TUSC3: variants seen among roughly 807,000 people sequenced by gnomAD.
TUSC3 encodes the protein tumor suppressor candidate 3.
In TUSC3, 45 loss-of-function variants were observed where a neutral mutation model predicts 44.8. The observed-to-expected ratio is 1.00, with a 90% CI of 0.79 to 1.29. The LOEUF is 1.29. TUSC3 is among the 50% of genes most tolerant of loss of function. TUSC3 has a pLI of 0.00. For missense variants in TUSC3, 519 were observed against 437.9 expected, an observed-to-expected ratio of 1.19 and a Z score of -1.65; for synonymous variants, 212 against 152.9, an observed-to-expected ratio of 1.39 and a Z score of -2.85.
chr8:15,837,003 A>C, the TUSC3 span, among the ~76,000 whole-genome samples: 145,101 of 152,138 alleles, frequency 0.95, 69,247 homozygotes, highest in Non-Finnish European at 0.97. Flanking sequence ...TTTCTATGTT[A>C]AATAAGGTAG....
chr8:15,509,243 T>A (rs753889761), intron 2 of TUSC3, among the ~76,000 whole-genome samples: 1 of 152,222 alleles, frequency 6.6e-6, no homozygotes, highest in Non-Finnish European at 1.5e-5. Flanking sequence ...GATGCTCTTG[T>A]CAATAAATTA....
intron 1 of TUSC3, 93 bp downstream of exon 1, chr8:15,540,661 T>A (rs964676645): frequency 4.2e-5 from 60 of 1,417,750 alleles, no homozygotes; most frequent in Admixed American, 5.4e-5. Flanking sequence ...CTAGGCAGCC[T>A]GGTCGCCGGC....
the TUSC3 span, among the ~76,000 whole-genome samples, chr8:15,809,056 G>A: frequency 4.6e-5 from 7 of 152,136 alleles, no homozygotes; most frequent in East Asian, 1.9e-4. Context: ...GGAAAAGCAC[G>A]TTTATTCAGA....
At chr8:15,518,349 T>C (rs1016065053) in intron 2 of TUSC3, among the ~76,000 whole-genome samples, 2 of 152,102 alleles carry the variant, frequency 1.3e-5, no homozygotes, top group Non-Finnish European at 2.9e-5. Context: ...GTTTTATCCA[T>C]ATAGTGTGTG....
intron 1 of TUSC3, among the ~76,000 whole-genome samples, chr8:15,564,023 G>A (rs1802576157): frequency 6.6e-6 from 1 of 152,022 alleles, no homozygotes; most frequent in South Asian, 2.1e-4. Flanking sequence ...TATATTAAAT[G>A]CTTTAAAGAA....
At chr8:15,524,165 T>C (rs888221281) in intron 2 of TUSC3, among the ~76,000 whole-genome samples, 1 of 152,138 alleles carries the variant, frequency 6.6e-6, no homozygotes, top group African/African-American at 2.4e-5. Flanking sequence ...TTTGCATATG[T>C]TAACGGTTGT....
At chr8:15,552,587 GA>G (rs956992214) in intron 1 of TUSC3, among the ~76,000 whole-genome samples, 2 of 151,686 alleles carry the variant, frequency 1.3e-5, no homozygotes, top group African/African-American at 4.8e-5. Context: ...TCCAGCATAT[GA>G]AAAAACACAG....
the TUSC3 span, among the ~76,000 whole-genome samples, chr8:15,809,706 T>C: frequency 6.6e-6 from 1 of 152,346 alleles, no homozygotes; most frequent in Non-Finnish European, 1.5e-5. Flanking sequence ...CTGATTGTAC[T>C]GTATTCACCT....
the TUSC3 span, among the ~76,000 whole-genome samples, chr8:15,852,064 C>T: frequency 5.9e-5 from 9 of 152,188 alleles, no homozygotes; most frequent in African/African-American, 2.2e-4. Context: ...AACTGTGAGT[C>T]CATTAAACCT....
At chr8:15,808,313 A>G in the TUSC3 span, among the ~76,000 whole-genome samples, 2 of 152,120 alleles carry the variant, frequency 1.3e-5, no homozygotes, top group African/African-American at 2.4e-5. Context: ...AATATATTAA[A>G]CATAAAAAGA....
intron 2 of TUSC3, among the ~76,000 whole-genome samples, chr8:15,497,472 C>T: frequency 6.6e-6 from 1 of 152,142 alleles, no homozygotes; most frequent in East Asian, 1.9e-4. Context: ...GAGCTAGTGC[C>T]TTTTCTTAGA....
the TUSC3 span, among the ~76,000 whole-genome samples, chr8:15,773,518 C>G: frequency 6.6e-6 from 1 of 152,144 alleles, no homozygotes; most frequent in Non-Finnish European, 1.5e-5. Flanking sequence ...GATGGAAATA[C>G]TTCTCAAAAT....
intron 1 of TUSC3, among the ~76,000 whole-genome samples, chr8:15,589,415 G>T (rs1803730666): frequency 6.6e-6 from 1 of 152,144 alleles, no homozygotes. Flanking sequence ...AGATTAGCAT[G>T]TGGAGCAATT....
At chr8:15,519,299 A>G (rs1801262777) in intron 2 of TUSC3, among the ~76,000 whole-genome samples, 1 of 152,194 alleles carries the variant, frequency 6.6e-6, no homozygotes, top group Non-Finnish European at 1.5e-5. Flanking sequence ...ATATCTTTTT[A>G]TATTAATCCC....
rs369069085 is a variant in TUSC3, at chr8:15,748,380, T to C, written c.943T>C (p.Cys315Arg). 8 of 1,612,828 alleles carry C rather than the reference T, an allele frequency of 5.0e-6. No individual in the cohort carries two copies. The highest frequency in any genetic ancestry group is 6.8e-6 in the Non-Finnish European group (8 of 1,179,040). ...TATTTTCTGTCTGTTTCTAGTAATT[T>C]GCCTAGTGGGATTGGGCCTGGTGGT... ...KGDVGKRRIICLVGLGLVVFF... is the reference protein window; with the variant it reads ...KGDVGKRRIIRLVGLGLVVFF... Residue 315 changes from cysteine (C) to arginine (R), a missense_variant, in exon 9 of 11, where the codon TGC becomes CGC. Transcript: ENST00000503731.
At chr8:15,569,475 A>G (rs760540752) in intron 1 of TUSC3, among the ~76,000 whole-genome samples, 1 of 152,148 alleles carries the variant, frequency 6.6e-6, no homozygotes, top group Non-Finnish European at 1.5e-5. Context: ...GCCTTGGAAT[A>G]TATGTGTAAT....
intron 1 of TUSC3, among the ~76,000 whole-genome samples, chr8:15,566,681 A>C (rs1438594574): frequency 1.3e-5 from 2 of 151,614 alleles, no homozygotes; most frequent in Non-Finnish European, 2.9e-5. Context: ...GTACACTGGC[A>C]CAATCACAGC....
At chr8:15,826,474 T>C in the TUSC3 span, among the ~76,000 whole-genome samples, 1 of 152,198 alleles carries the variant, frequency 6.6e-6, no homozygotes, top group Non-Finnish European at 1.5e-5. Context: ...TATATTAATA[T>C]ATTGCAACTA....
intron 2 of TUSC3, among the ~76,000 whole-genome samples, chr8:15,626,828 A>AG (rs1276864914): frequency 1.3e-5 from 2 of 152,144 alleles, no homozygotes; most frequent in Non-Finnish European, 1.5e-5. Flanking sequence ...AGAGTGGCTG[A>AG]GGGGGGCCCT....
Sources: gnomAD v4.1 joint callset for allele counts (sites outside exome capture counted in the v4.1 genomes callset) on GRCh38, gnomAD v4.1.1 for gene constraint, MANE v1.5 for transcripts, NCBI Gene and HGNC (gene_info 2026-07-23, HGNC 2026-07-21) for gene names.